RSL1D1: variants seen among roughly 807,000 people sequenced by gnomAD.
RSL1D1 encodes ribosomal L1 domain-containing protein 1.
Under a neutral mutation model 44.6 loss-of-function variants are expected in RSL1D1, and 34 were observed. The observed-to-expected ratio is 0.76, with a 90% CI of 0.58 to 1.02. The LOEUF is 1.02. RSL1D1 is among the 50% of genes least tolerant of loss of function. RSL1D1 has a pLI of 0.00. For synonymous variants in RSL1D1, 271 were observed against 207.4 expected, an observed-to-expected ratio of 1.31 and a Z score of -2.63; for missense variants, 767 against 568.1, an observed-to-expected ratio of 1.35 and a Z score of -3.56.
chr16:11,845,208 T>A (rs2053789305), intron 5 of RSL1D1, among the ~76,000 whole-genome samples: 1 of 152,118 alleles, frequency 6.6e-6, no homozygotes. Flanking sequence ...ATCTCAACAC[T>A]TTTGGAGGCC....
chr16:11,847,078 A>G (rs527937845), intron 3 of RSL1D1, among the ~76,000 whole-genome samples: 1 of 152,272 alleles, frequency 6.6e-6, no homozygotes, highest in South Asian at 2.1e-4. Flanking sequence ...GGCAACATAT[A>G]TATATTATTA....
rs763030820 is a variant in RSL1D1, at chr16:11,851,396, G to A, written c.105+12C>T. On this transcript the variant is annotated intron_variant, in intron 1 of 8. Transcript: ENST00000571133. ...CACTGCTTCCAAGCCACCCTCCCCA[G>A]GAACCACTCACCTGTTCTTTATCCA... The A allele has an allele frequency of 2.5e-6, 4 of 1,613,162 alleles. No individual in the cohort carries two copies. In the African/African-American group the frequency reaches 4.0e-5, roughly 16 times the overall value.
At chr16:11,847,595 A>C (rs945648121) in intron 3 of RSL1D1, 73 bp downstream of exon 3, 1 of 1,194,562 alleles carries the variant, frequency 8.4e-7, no homozygotes, top group Non-Finnish European at 1.2e-6. Flanking sequence ...GAAATATAGC[A>C]ATGTATTTGT....
At chr16:11,848,049 C>G (rs7200701) in intron 2 of RSL1D1, among the ~76,000 whole-genome samples, 1,723 of 152,172 alleles carry the variant, frequency 0.011, 36 homozygotes, top group African/African-American at 0.039. Context: ...GTCAGGAGTT[C>G]AAGACCAGCC....
rs1257896668 is a variant in RSL1D1, at chr16:11,835,183, T to TA, written c.*2603_*2604insT. The TA allele has an allele frequency of 1.0e-4, 15 of 149,620 alleles. No individual in the cohort carries two copies. The highest frequency in any genetic ancestry group is 4.7e-4 in the Admixed American group (7 of 14,960). The allele number at this position is 149,620 out of a possible 1,614,324, so 9.3% of individuals were successfully genotyped here. ...TCCTCTAATTTCAGGGAGAGCTAGATGTTTTTTTTTTTCTCTTTTTTTCAG... is the reference window on the plus strand; with the variant it reads ...TCCTCTAATTTCAGGGAGAGCTAGATAGTTTTTTTTTTTCTCTTTTTTTCAG... On this transcript the variant is annotated 3_prime_UTR_variant, in exon 9 of 9. Coordinates refer to ENST00000571133, the MANE Select transcript of RSL1D1 (RefSeq NM_015659.3).
At chr16:11,846,932 A>T (rs1323089630) in intron 3 of RSL1D1, 89 bp from the exon 4 acceptor site, 6 of 1,185,882 alleles carry the variant, frequency 5.1e-6, no homozygotes, top group African/African-American at 4.6e-5. Flanking sequence ...ATTTGGATTT[A>T]AAAATGTCCT....
intron 3 of RSL1D1, 113 bp downstream of exon 3, chr16:11,847,555 A>G: frequency 2.1e-6 from 2 of 948,862 alleles, no homozygotes; most frequent in South Asian, 3.3e-5. Context: ...AAATTAAATT[A>G]AAAAGAGAAA....
Position 11,850,366 on chromosome 16 carries a change from T to C in RSL1D1, c.158A>G (p.Asn53Ser). The change falls in exon 2 of 9, where the codon AAT becomes AGT. Residue 53 changes from asparagine (N) to serine (S), a missense_variant. Asn to Ser is a conservative substitution (Grantham distance 46, BLOSUM62 1). Transcript: ENST00000571133. The stretch of plus-strand genomic sequence containing the variant: ...ATTCTCATTCAAAAGCAACCCATAA[T>C]TGTTTTTCCTGGACTTGCAATGCGT... ...LLTHCKSRKN[N>S]YGLLLNENES... The C allele has an allele frequency of 6.2e-7, 1 of 1,601,290 alleles. No individual in the cohort carries two copies. Among genetic ancestry groups the C allele is most frequent in the Non-Finnish European group, 8.5e-7 (1 of 1,177,134 alleles).
At chr16:11,843,032 C>T (rs2053773524) in intron 5 of RSL1D1, among the ~76,000 whole-genome samples, 1 of 151,472 alleles carries the variant, frequency 6.6e-6, no homozygotes, top group South Asian at 2.1e-4. Flanking sequence ...AGCGATTCTC[C>T]TGCCTCAGCC....
intron 2 of RSL1D1, among the ~76,000 whole-genome samples, chr16:11,848,322 A>G (rs906862756): frequency 5.9e-5 from 9 of 152,198 alleles, no homozygotes; most frequent in African/African-American, 2.2e-4. Flanking sequence ...ACAGGCCCAA[A>G]TATCAATTAA....
chr16:11,842,370 A>G (rs906714016), intron 5 of RSL1D1, among the ~76,000 whole-genome samples: 1 of 152,128 alleles, frequency 6.6e-6, no homozygotes, highest in Non-Finnish European at 1.5e-5. Flanking sequence ...AAAAAATCCC[A>G]TTAAAATCTT....
intron 7 of RSL1D1, among the ~76,000 whole-genome samples, chr16:11,840,554 T>A (rs562178673): frequency 6.6e-6 from 1 of 152,008 alleles, no homozygotes; most frequent in African/African-American, 2.4e-5. Context: ...GGCGACAGAG[T>A]GAAACTCTGT....
intron 3 of RSL1D1, 100 bp downstream of exon 3, chr16:11,847,568 T>C: frequency 9.7e-7 from 1 of 1,028,192 alleles, no homozygotes; most frequent in South Asian, 1.6e-5. Flanking sequence ...AAGAGAAAAG[T>C]AGAAGAAAAA....
chr16:11,848,069 T>C (rs1484959923), intron 2 of RSL1D1, among the ~76,000 whole-genome samples: 1 of 152,098 alleles, frequency 6.6e-6, no homozygotes, highest in Non-Finnish European at 1.5e-5. Flanking sequence ...CTGGCCAACA[T>C]GGTGAAACCC....
Position 11,833,983 on chromosome 16 carries a change from C to T in RSL1D1, c.*3804G>A, listed in dbSNP as rs937176822. On this transcript the variant is annotated 3_prime_UTR_variant, in exon 9 of 9. Coordinates refer to ENST00000571133, the MANE Select transcript of RSL1D1 (RefSeq NM_015659.3). ...GATCTCATTTGGTTCATTAAATCTC[C>T]CTGGTGAAGAGGATGGATTCCAGAA... The T allele has an allele frequency of 6.6e-6, 1 of 152,122 alleles. No individual in the cohort carries two copies. The highest frequency in any genetic ancestry group is 1.9e-4 in the East Asian group (1 of 5,192). 9.4% of individuals were successfully genotyped at this position (152,122 alleles called of 1,614,324 possible).
At chr16:11,839,497 C>T (rs978760499) in intron 8 of RSL1D1, among the ~76,000 whole-genome samples, 198 bp downstream of exon 8, 3 of 144,598 alleles carry the variant, frequency 2.1e-5, no homozygotes, top group African/African-American at 7.7e-5. Context: ...AGTGTAAGAC[C>T]GGTCTGGGCA....
Position 11,837,816 on chromosome 16 carries a change from T to A in RSL1D1, c.1444A>T (p.Lys482Ter), listed in dbSNP as rs142876724. The A allele has an allele frequency of 3.7e-5, 60 of 1,610,372 alleles. 1 individual carries two copies. The highest frequency in any genetic ancestry group is 1.7e-4 in the Middle Eastern group (1 of 6,060). Residue 482 changes from lysine (K) to a stop codon, truncating the protein, a stop_gained, in exon 9 of 9, where the codon AAA becomes TAA. Coordinates refer to ENST00000571133, the MANE Select transcript of RSL1D1 (RefSeq NM_015659.3). LOFTEE classifies it high-confidence loss of function. ...KASHTPKKWP[K>*]KPKVPQST Reference sequence around the variant, plus strand: ...GTCGACTGGGGTACTTTGGGTTTTTTGGGCCATTTTTTGGGGGTGTGGGAA... The same window carrying A: ...GTCGACTGGGGTACTTTGGGTTTTTAGGGCCATTTTTTGGGGGTGTGGGAA...
chr16:11,839,921 T>C lies in RSL1D1; in HGVS notation c.920A>G (p.Gln307Arg). Reference sequence around the variant, plus strand: ...AACTGATGCAGTCTTCCTAGCCTGCTGCCTCTTCTTCTTCCTCTCCTTTTG... The same window carrying C: ...AACTGATGCAGTCTTCCTAGCCTGCCGCCTCTTCTTCTTCCTCTCCTTTTG... ...EKQKERKKKR[Q>R]QARKTASVLS... Residue 307 changes from glutamine to arginine, a missense_variant, in exon 8 of 9, where the codon CAG becomes CGG. Physicochemically the swap from Gln to Arg is conservative, Grantham distance 43. Transcript: ENST00000571133. The C allele has an allele frequency of 6.2e-7, 1 of 1,614,038 alleles. No homozygotes were observed. Among genetic ancestry groups the C allele is most frequent in the Non-Finnish European group, 8.5e-7 (1 of 1,179,964 alleles).
intron 3 of RSL1D1, among the ~76,000 whole-genome samples, chr16:11,847,211 A>G (rs773610865): frequency 3.9e-5 from 6 of 152,110 alleles, no homozygotes; most frequent in Non-Finnish European, 5.9e-5. Context: ...CCTCGTCTCT[A>G]TAAAAATATA....
Sources: allele counts gnomAD v4.1 joint callset (sites outside exome capture counted in the v4.1 genomes callset), GRCh38; gene constraint gnomAD v4.1.1; transcripts MANE v1.5; gene names NCBI Gene and HGNC (gene_info 2026-07-23, HGNC 2026-07-21).